Variants in CYP7B1 observed in about 807,000 individuals in gnomAD.
The protein encoded by CYP7B1 is cytochrome P450 7B1.
In CYP7B1, 29 loss-of-function variants were observed where a neutral mutation model predicts 42.7. The ratio of observed to expected loss-of-function variants is 0.68; its 90% CI spans 0.51 to 0.93. CYP7B1 has a LOEUF of 0.93. Among genes scored for constraint, CYP7B1 ranks in the 40% least tolerant of loss-of-function variants. The probability of loss-of-function intolerance (pLI) is 0.00; values close to 1 mark genes in which losing one functional copy is unlikely to be tolerated. For missense variants in CYP7B1, 655 were observed against 600.5 expected (o/e 1.09, Z -0.95); for synonymous variants, 235 against 218.2 (o/e 1.08, Z -0.68).
At chr8:64,640,406 A>G (rs867977716) in intron 1 of CYP7B1, among the ~76,000 whole-genome samples, 1 of 152,158 alleles carries the variant, frequency 6.6e-6, no homozygotes, top group African/African-American at 2.4e-5. Flanking sequence ...TTAAATTTCT[A>G]TCATTAGGTA....
intron 1 of CYP7B1, among the ~76,000 whole-genome samples, chr8:64,716,472 C>T (rs1211311507): frequency 2.6e-5 from 4 of 152,026 alleles, no homozygotes; most frequent in African/African-American, 4.8e-5. Context: ...TTTGGGAGGC[C>T]GAGGCGGGCA....
intron 1 of CYP7B1, among the ~76,000 whole-genome samples, chr8:64,736,175 A>C (rs1394814126): frequency 2.0e-5 from 3 of 152,174 alleles, no homozygotes; most frequent in Non-Finnish European, 4.4e-5. Flanking sequence ...CTAAAAATAT[A>C]GATCTTGATT....
At chr8:64,784,982 A>C (rs1279556900) in intron 1 of CYP7B1, among the ~76,000 whole-genome samples, 1 of 152,236 alleles carries the variant, frequency 6.6e-6, no homozygotes, top group East Asian at 1.9e-4. Context: ...CAAAATATCC[A>C]AAATATACAA....
intron 2 of CYP7B1, among the ~76,000 whole-genome samples, chr8:64,621,805 G>A (rs886471199): frequency 2.0e-5 from 3 of 148,632 alleles, no homozygotes; most frequent in African/African-American, 5.0e-5. Flanking sequence ...GTACGATCTC[G>A]GCTCACTGCA....
At chr8:64,641,101 T>C (rs1805848471) in intron 1 of CYP7B1, among the ~76,000 whole-genome samples, 1 of 152,166 alleles carries the variant, frequency 6.6e-6, no homozygotes, top group Admixed American at 6.5e-5. Context: ...AAATCTAATT[T>C]CCATATTCAA....
At chr8:64,686,569 C>T (rs1247410455) in intron 1 of CYP7B1, among the ~76,000 whole-genome samples, 1 of 56,750 alleles carries the variant, frequency 1.8e-5, no homozygotes, top group African/African-American at 8.1e-5. Context: ...CTCTGCCCGG[C>T]CGCCCCTACT....
rs561314785 is a variant in CYP7B1 at position 64,728,423 on chromosome 8, A to C, written c.122+70043T>G. 6.6e-5 allele frequency among the ~76,000 whole-genome samples: 10 copies of C among 152,320 alleles called. No homozygotes were observed. In the East Asian group the frequency reaches 1.5e-3, roughly 23 times the overall value. On this transcript the variant is annotated intron_variant, in intron 1 of 5. Transcript: ENST00000310193. ...AGCCACTTGGTCACATGCAGTGAGC[A>C]AAAGTGCAGAGATCAGCAACAGATC...
intron 1 of CYP7B1, among the ~76,000 whole-genome samples, chr8:64,797,881 TTG>T (rs1209262792): frequency 2.6e-5 from 4 of 152,356 alleles, no homozygotes; most frequent in South Asian, 4.1e-4. Flanking sequence ...TTTGTCATTA[TTG>T]TGTGTTTTGT....
At chr8:64,787,687 G>C (rs902462733) in intron 1 of CYP7B1, among the ~76,000 whole-genome samples, 1 of 152,068 alleles carries the variant, frequency 6.6e-6, no homozygotes, top group Non-Finnish European at 1.5e-5. Flanking sequence ...TTCCAAAGTT[G>C]CTTCCATATT....
intron 1 of CYP7B1, among the ~76,000 whole-genome samples, chr8:64,696,716 C>T (rs1423616500): frequency 1.3e-5 from 2 of 152,124 alleles, no homozygotes; most frequent in African/African-American, 4.8e-5. Flanking sequence ...TTCTTTGTGT[C>T]ATATTGCTTA....
chr8:64,750,302 C>T (rs560588149), intron 1 of CYP7B1, among the ~76,000 whole-genome samples: 1 of 152,288 alleles, frequency 6.6e-6, no homozygotes, highest in African/African-American at 2.4e-5. Context: ...TGGCAACCAA[C>T]AGGATCTAGA....
chr8:64,756,432 C>T (rs1191440278), intron 1 of CYP7B1, among the ~76,000 whole-genome samples: 1 of 152,166 alleles, frequency 6.6e-6, no homozygotes, highest in Non-Finnish European at 1.5e-5. Flanking sequence ...AACATCCAAA[C>T]ATTTTCTAAG....
intron 1 of CYP7B1, among the ~76,000 whole-genome samples, chr8:64,766,798 T>C (rs1466038281): frequency 1.3e-5 from 2 of 152,118 alleles, no homozygotes. Context: ...GGACTGAGGG[T>C]GCCCAGGGCA....
At chr8:64,689,406 T>A (rs1215758626) in intron 1 of CYP7B1, among the ~76,000 whole-genome samples, 1 of 152,204 alleles carries the variant, frequency 6.6e-6, no homozygotes, top group Non-Finnish European at 1.5e-5. Context: ...GTATGAGAAA[T>A]ATTATCCCCA....
intron 1 of CYP7B1, among the ~76,000 whole-genome samples, chr8:64,692,175 A>G (rs1446503693): frequency 2.0e-5 from 3 of 152,236 alleles, no homozygotes; most frequent in African/African-American, 7.2e-5. Context: ...CAGCCTCTGG[A>G]AGACCAACGT....
At chr8:64,763,874 A>G (rs951666293) in intron 1 of CYP7B1, among the ~76,000 whole-genome samples, 3 of 152,202 alleles carry the variant, frequency 2.0e-5, no homozygotes, top group African/African-American at 7.2e-5. Context: ...GGTCCCGACC[A>G]TGACTTTCTT....
chr8:64,640,976 C>T (rs1032384815), intron 1 of CYP7B1, among the ~76,000 whole-genome samples: 1 of 152,166 alleles, frequency 6.6e-6, no homozygotes, highest in Non-Finnish European at 1.5e-5. Flanking sequence ...AGAAACACTT[C>T]AAATAAAAGA....
chr8:64,709,084 AGT>A (rs1425613642), intron 1 of CYP7B1, among the ~76,000 whole-genome samples: 1 of 152,202 alleles, frequency 6.6e-6, no homozygotes, highest in African/African-American at 2.4e-5. Flanking sequence ...AAGGGGCCGC[AGT>A]GCAGGATTCT....
At chr8:64,638,739 G>A (rs1805810826) in intron 1 of CYP7B1, among the ~76,000 whole-genome samples, 3 of 152,212 alleles carry the variant, frequency 2.0e-5, no homozygotes, top group Non-Finnish European at 4.4e-5. Context: ...ACTCGCGTAA[G>A]TGATACTAAT....
Sources: allele counts gnomAD v4.1 joint callset (sites outside exome capture counted in the v4.1 genomes callset), GRCh38; gene constraint gnomAD v4.1.1; transcripts MANE v1.5; gene names NCBI Gene and HGNC (gene_info 2026-07-23, HGNC 2026-07-21).